The following COL4A6 variants were observed in gnomAD, a reference collection of about 807,000 sequenced individuals.
COL4A6 encodes collagen type IV alpha 6 chain.
In COL4A6, 59 loss-of-function variants were observed where a neutral mutation model predicts 126.7. That is an observed-to-expected ratio of 0.47 (90% CI 0.38 to 0.58). The LOEUF is 0.58. COL4A6 is among the 20% of genes least tolerant of loss of function. COL4A6 has a pLI of 0.00. For missense variants in COL4A6, 1,285 were observed against 1,337.3 expected (o/e 0.96, Z 0.61); for synonymous variants, 547 against 496.6 (o/e 1.10, Z -1.35).
chrX:108,238,359 G>C (rs934854850), intron 3 of COL4A6, among the ~76,000 whole-genome samples: 1 of 109,255 alleles, frequency 9.2e-6, no homozygotes, highest in African/African-American at 3.3e-5. Context: ...CACCCACCTT[G>C]GCCTCCCAAA....
intron 12 of COL4A6, among the ~76,000 whole-genome samples, chrX:108,203,562 G>A (rs1215297802): frequency 1.8e-5 from 2 of 112,216 alleles, no homozygotes; most frequent in Non-Finnish European, 3.8e-5. Flanking sequence ...CAGCTTCCAC[G>A]AAGACAAATT....
At chrX:108,165,540 C>A in intron 37 of COL4A6, 54 bp from the exon 38 acceptor site, 1 of 875,249 alleles carries the variant, frequency 1.1e-6, no homozygotes, top group Non-Finnish European at 1.6e-6. Context: ...CAGAAGATGG[C>A]CAGGCTCTTT....
At chrX:108,251,125 G>A (rs1033571965) in intron 3 of COL4A6, among the ~76,000 whole-genome samples, 4 of 111,244 alleles carry the variant, frequency 3.6e-5, no homozygotes, top group African/African-American at 9.8e-5. Context: ...TTCCACATGC[G>A]GACTGAGGCA....
intron 3 of COL4A6, among the ~76,000 whole-genome samples, chrX:108,291,815 T>C (rs1006733045): frequency 1.8e-5 from 2 of 112,019 alleles, no homozygotes; most frequent in Non-Finnish European, 3.8e-5. Flanking sequence ...TTATAAATGG[T>C]TCTGTGGTGA....
chrX:108,161,865 G>A (rs181582501), intron 41 of COL4A6, 130 bp from the exon 42 acceptor site: 27 of 460,867 alleles, frequency 5.9e-5, no homozygotes, highest in Non-Finnish European at 5.8e-5. Context: ...TCGACTTGGT[G>A]TGCACACTGC....
intron 35 of COL4A6, 80 bp from the exon 36 acceptor site, chrX:108,170,096 A>C: frequency 2.4e-6 from 2 of 825,712 alleles, no homozygotes; most frequent in Non-Finnish European, 3.5e-6. Context: ...CCTGCCCCCA[A>C]AGGCATTGCG....
In COL4A6 at chrX:108,209,980, C is replaced by A; in HGVS notation, c.535G>T (p.Asp179Tyr). 8.3e-7 allele frequency: 1 copy of A among 1,209,839 alleles called. No individual in the cohort carries two copies. The highest frequency in any genetic ancestry group is 1.1e-6 in the Non-Finnish European group (1 of 894,435). ...MKGDPGLPGL[D>Y]GITGPQGAPG... ...AAATAACAACTTACAGTGATTCCAT[C>A]CAGTCCAGGCAGCCCAGGATCCCCC... is the stretch of plus-strand genomic sequence containing the variant. Residue 179 changes from aspartate (D) to tyrosine (Y), a missense_variant, in exon 8 of 45, where the codon GAT (aspartate) becomes TAT (tyrosine). Physicochemically the swap from Asp to Tyr is radical, Grantham distance 160 (BLOSUM62 -3). Transcript: ENST00000334504.
intron 2 of COL4A6, among the ~76,000 whole-genome samples, chrX:108,396,547 G>T (rs547263930): frequency 4.5e-5 from 5 of 111,579 alleles, no homozygotes; most frequent in African/African-American, 1.6e-4. Context: ...TCCAGTGCCT[G>T]AACTTCTGGT....
Position 108,259,503 on chromosome X carries a change from C to T in COL4A6, c.145-38129G>A, listed in dbSNP as rs781536356. ...ATGGTGGGCTCAAGGCAGTGTCTTG[C>T]GGGATTCTCTCCGAGTTAGGAGGCC... On this transcript the variant is annotated intron_variant, in intron 3 of 44. Coordinates refer to ENST00000334504, the MANE Select transcript of COL4A6 (RefSeq NM_033641.4). Among the ~76,000 whole-genome samples, 6 of 111,577 alleles carry T rather than the reference C, an allele frequency of 5.4e-5. No individual in the cohort carries two copies. The East Asian group carries it at 1.7e-3, about 32-fold the overall frequency.
intron 2 of COL4A6, among the ~76,000 whole-genome samples, chrX:108,335,011 C>T (rs2039397032): frequency 8.9e-6 from 1 of 112,042 alleles, no homozygotes; most frequent in Non-Finnish European, 1.9e-5. Context: ...AGAGACTAAG[C>T]GTAATCAGGA....
At chrX:108,235,714 C>A (rs754805865) in intron 3 of COL4A6, among the ~76,000 whole-genome samples, 9 of 111,698 alleles carry the variant, frequency 8.1e-5, no homozygotes, top group Non-Finnish European at 1.5e-4. Flanking sequence ...CTCTGCCCAA[C>A]TGTTTCCTTA....
At chrX:108,418,954 T>A (rs181686568) in intron 2 of COL4A6, among the ~76,000 whole-genome samples, 5 of 112,578 alleles carry the variant, frequency 4.4e-5, no homozygotes, top group African/African-American at 1.6e-4. Flanking sequence ...CGTATTAAGA[T>A]TTGTTTGTAT....
At chrX:108,223,255 A>G (rs999994789) in intron 3 of COL4A6, among the ~76,000 whole-genome samples, 6 of 111,404 alleles carry the variant, frequency 5.4e-5, no homozygotes, top group African/African-American at 9.8e-5. Context: ...GGGGAGGGAT[A>G]GCACTGGGAG....
At position 108,156,938 on chromosome X, in the gene COL4A6, G is replaced by T; in HGVS notation, c.*62C>A. 1 of 1,097,989 alleles carries T rather than the reference G, an allele frequency of 9.1e-7. No individual in the cohort carries two copies. Among genetic ancestry groups the T allele is most frequent in the Non-Finnish European group, 1.2e-6 (1 of 802,103 alleles). 90.5% of individuals were successfully genotyped at this position (1,097,989 alleles called of 1,213,427 possible). A position where few individuals can be genotyped will look rare whatever the true frequency, so the allele number is the denominator to read the frequency against. On this transcript the variant is annotated 3_prime_UTR_variant, in exon 45 of 45. Coordinates refer to ENST00000334504, the MANE Select transcript of COL4A6 (RefSeq NM_033641.4). ...GGCCTTCCTTCTTCAGACCATTCAG[G>T]TTTGTGAGGTGACTGTTGTGAGGGG...
At chrX:108,207,326 G>A (rs1196036538) in intron 8 of COL4A6, among the ~76,000 whole-genome samples, 3 of 108,241 alleles carry the variant, frequency 2.8e-5, no homozygotes, top group African/African-American at 6.7e-5. Context: ...GGGGCCTGTC[G>A]GTGGGTGGGG....
chrX:108,284,905 T>C (rs188496811), intron 3 of COL4A6, among the ~76,000 whole-genome samples: 1 of 112,182 alleles, frequency 8.9e-6, no homozygotes, highest in African/African-American at 3.2e-5. Flanking sequence ...TAACTTAGCC[T>C]CTCAGTGTCC....
chrX:108,186,832 C>T (rs2034879005), intron 23 of COL4A6, among the ~76,000 whole-genome samples: 2 of 111,094 alleles, frequency 1.8e-5, no homozygotes, highest in African/African-American at 6.6e-5. Context: ...TCATAACCTC[C>T]CTCAGTAGCT....
chrX:108,175,838 C>T, intron 28 of COL4A6, 41 bp from the exon 29 acceptor site: 2 of 1,112,288 alleles, frequency 1.8e-6, no homozygotes, highest in Non-Finnish European at 1.2e-6. Flanking sequence ...TCCCATTTTA[C>T]ATACCAGGAA....
intron 2 of COL4A6, among the ~76,000 whole-genome samples, chrX:108,416,879 C>T (rs2041445597): frequency 1.8e-5 from 2 of 111,730 alleles, no homozygotes; most frequent in Admixed American, 1.9e-4. Context: ...GATGACTGTA[C>T]TTTTCACACT....
Sources: allele counts gnomAD v4.1 joint callset (sites outside exome capture counted in the v4.1 genomes callset), GRCh38; gene constraint gnomAD v4.1.1; transcripts MANE v1.5; gene names NCBI Gene and HGNC (gene_info 2026-07-23, HGNC 2026-07-21).